DAPK1: variants seen among roughly 807,000 people sequenced by gnomAD.
DAPK1 encodes the protein death associated protein kinase 1.
A neutral mutation model predicts 144.9 loss-of-function variants in DAPK1; 56 were observed. That is an observed-to-expected ratio of 0.39 (90% confidence interval 0.31 to 0.48). The LOEUF (loss-of-function observed/expected upper bound fraction) is 0.48. Ranked by LOEUF, DAPK1 falls within the 20% of genes least tolerant of loss-of-function variation. The probability of loss-of-function intolerance (pLI) is 0.95; values close to 1 mark genes in which losing one functional copy is unlikely to be tolerated. For missense variants in DAPK1, 1,454 were observed against 1,875.4 expected, an observed-to-expected ratio of 0.78 and a Z score of 4.15; for synonymous variants, 690 against 749.0, an observed-to-expected ratio of 0.92 and a Z score of 1.29.
intron 2 of DAPK1, 35 bp downstream of exon 2, chr9:87,499,174 T>G (rs1463843117): frequency 1.9e-6 from 3 of 1,571,488 alleles, no homozygotes; most frequent in Non-Finnish European, 2.6e-6. Context: ...CCTCCTGGAT[T>G]GTGGAAATGC....
At chr9:87,541,086 T>A (rs1222413089) in intron 2 of DAPK1, among the ~76,000 whole-genome samples, 1 of 152,276 alleles carries the variant, frequency 6.6e-6, no homozygotes, top group Non-Finnish European at 1.5e-5. Flanking sequence ...GTACACATTA[T>A]CAAAACCATT....
intron 5 of DAPK1, 81 bp from the exon 6 acceptor site, chr9:87,639,569 A>G (rs1256699516): frequency 3.7e-6 from 6 of 1,610,410 alleles, no homozygotes; most frequent in Admixed American, 1.7e-5. Context: ...TTTCCCTGCT[A>G]CATGTTCCTG....
intron 7 of DAPK1, 133 bp downstream of exon 7, chr9:87,639,948 C>G: frequency 1.1e-6 from 1 of 932,100 alleles, no homozygotes; most frequent in Non-Finnish European, 1.6e-6. Flanking sequence ...ATTTTACACC[C>G]CCAAAACATG....
intron 2 of DAPK1, among the ~76,000 whole-genome samples, chr9:87,591,819 C>G (rs1450961379): frequency 6.6e-6 from 1 of 152,246 alleles, no homozygotes; most frequent in Admixed American, 6.5e-5. Context: ...TAGCCAGCCA[C>G]TTCTGCTCAG....
At chr9:87,542,236 TA>T (rs1472657216) in intron 2 of DAPK1, among the ~76,000 whole-genome samples, 7 of 152,314 alleles carry the variant, frequency 4.6e-5, no homozygotes, top group Non-Finnish European at 7.4e-5. Context: ...GTATGAACAA[TA>T]ATAGGTAACA....
chr9:87,556,706 G>A (rs1387816308), intron 2 of DAPK1, among the ~76,000 whole-genome samples: 2 of 152,178 alleles, frequency 1.3e-5, no homozygotes, highest in African/African-American at 2.4e-5. Context: ...GGTACTTCTC[G>A]CTCCAGGAGC....
At chr9:87,527,975 A>G (rs565200245) in intron 2 of DAPK1, among the ~76,000 whole-genome samples, 1 of 152,364 alleles carries the variant, frequency 6.6e-6, no homozygotes, top group African/African-American at 2.4e-5. Flanking sequence ...TAAATTTCAG[A>G]AACCTTTTGA....
intron 2 of DAPK1, among the ~76,000 whole-genome samples, chr9:87,515,689 G>A (rs1164871491): frequency 3.3e-5 from 5 of 152,276 alleles, no homozygotes; most frequent in East Asian, 1.9e-4. Flanking sequence ...AAAGATTGCC[G>A]ATTTGGGGAG....
At chr9:87,589,620 T>C (rs968567627) in intron 2 of DAPK1, among the ~76,000 whole-genome samples, 1 of 152,214 alleles carries the variant, frequency 6.6e-6, no homozygotes, top group African/African-American at 2.4e-5. Flanking sequence ...GAGGTTCATT[T>C]CTTTGAACCC....
intron 19 of DAPK1, among the ~76,000 whole-genome samples, chr9:87,672,188 C>T (rs1824193578): frequency 1.3e-5 from 2 of 152,204 alleles, no homozygotes; most frequent in South Asian, 4.1e-4. Flanking sequence ...TCTGGAACAG[C>T]TGTGAGGTGC....
In DAPK1 at chr9:87,706,326, C is replaced by T. The variant is rs747582990; in HGVS notation, c.3255C>T (p.Leu1085=). 7.5e-6 allele frequency: 12 copies of T among 1,607,774 alleles called. No homozygotes were observed. Among genetic ancestry groups the T allele is most frequent in the Middle Eastern group, 3.3e-4 (2 of 6,072 alleles). ...ACGTGGAGGAGCTGCTGCAGATCCT[C>T]GATGCCATGGACATCTGCGCCCGGG... ...DSDVEELLQI[L]DAMDICARDL... is the part of the protein sequence containing the mutation. Residue 1085 remains leucine, a synonymous_variant, in exon 26 of 26, where the codon CTC becomes CTT. Coordinates refer to ENST00000408954, the MANE Select transcript of DAPK1 (RefSeq NM_004938.4). This position sits in a 1 kb window ranked among gnomAD's most constrained non-coding sequence, Gnocchi z 9.0.
chr9:87,599,651 C>T (rs1330101410), intron 2 of DAPK1, among the ~76,000 whole-genome samples: 1 of 152,106 alleles, frequency 6.6e-6, no homozygotes, highest in Non-Finnish European at 1.5e-5. Flanking sequence ...AATGTGATGT[C>T]TATATCTAAT....
At chr9:87,497,673 TGCGCGGTAGA>T (rs1824213190), upstream of DAPK1, 1 of 185,066 alleles carries the variant, frequency 5.4e-6, no homozygotes, top group African/African-American at 2.4e-5. Context: ...GTGCGGGGTG[TGCGCGGTAGA>T]GCGCGCCAGC....
At chr9:87,616,689 G>A (rs1829109919) in intron 3 of DAPK1, among the ~76,000 whole-genome samples, 1 of 152,178 alleles carries the variant, frequency 6.6e-6, no homozygotes, top group African/African-American at 2.4e-5. Context: ...GAATGGAGCT[G>A]TCATCACCCT....
chr9:87,590,945 C>G (rs1393758393), intron 2 of DAPK1, among the ~76,000 whole-genome samples: 1 of 152,198 alleles, frequency 6.6e-6, no homozygotes, highest in African/African-American at 2.4e-5. Flanking sequence ...TTCCAGTTTC[C>G]CAATTTTTAG....
chr9:87,546,485 C>T (rs1826254921), intron 2 of DAPK1, among the ~76,000 whole-genome samples: 1 of 152,090 alleles, frequency 6.6e-6, no homozygotes, highest in Non-Finnish European at 1.5e-5. Context: ...GTGGTCTGAG[C>T]TCTGAATTGG....
intron 2 of DAPK1, among the ~76,000 whole-genome samples, chr9:87,587,998 C>T (rs1198430023): frequency 6.6e-6 from 1 of 152,122 alleles, no homozygotes; most frequent in Non-Finnish European, 1.5e-5. Flanking sequence ...TTACAACAGC[C>T]CTTTAAGGAA....
chr9:87,518,114 T>TTG lies in DAPK1; in HGVS notation c.62+18976_62+18977insGT, dbSNP rs1413676006. The stretch of plus-strand genomic sequence containing the variant: ...TGCCGTTTATGTTGTTGTTTTTTTT[T>TTG]TTTTTTTTTTTTTCTGAGATGGAGT... On this transcript the variant is annotated intron_variant, in intron 2 of 25. Coordinates refer to ENST00000408954, the MANE Select transcript of DAPK1 (RefSeq NM_004938.4). 6.9e-3 allele frequency among the ~76,000 whole-genome samples: 994 copies of TTG among 143,508 alleles called. 20 individuals carry two copies. Among genetic ancestry groups the TTG allele is most frequent in the African/African-American group, 0.025 (942 of 37,802 alleles). 94.1% of individuals were successfully genotyped at this position (143,508 alleles called of 152,430 possible).
In DAPK1 at chr9:87,707,113, G is replaced by C; in HGVS notation, c.4042G>C (p.Gly1348Arg). The change falls in exon 26 of 26, where the codon GGG (glycine) becomes CGG (arginine). Residue 1348 changes from glycine (G) to arginine (R), a missense_variant. By Grantham distance (125) the Gly-to-Arg change is moderately radical (BLOSUM62 -2). Transcript: ENST00000408954. The surrounding 1 kb of genome is among the most constrained non-coding windows in gnomAD (Gnocchi z 4.0). The stretch of plus-strand genomic sequence containing the variant: ...CGTGGCAAAGTACAACACCAGTAAC[G>C]GGGCTCCCAAGGATTTCCTCCCCAG... ...DLVAKYNTSN[G>R]APKDFLPSPL... 1 of 1,613,934 alleles carries C rather than the reference G, an allele frequency of 6.2e-7. No homozygotes were observed. Among genetic ancestry groups the C allele is most frequent in the Non-Finnish European group, 8.5e-7 (1 of 1,179,892 alleles).
Sources: gnomAD v4.1 joint callset for allele counts (sites outside exome capture counted in the v4.1 genomes callset) on GRCh38, gnomAD v4.1.1 for gene constraint, Gnocchi (gnomAD v3.1) non-coding constraint, MANE v1.5 for transcripts, NCBI Gene and HGNC (gene_info 2026-07-23, HGNC 2026-07-21) for gene names.